Variants in CAST observed in about 807,000 individuals in gnomAD.
CAST encodes the protein MIR583 host.
Under a neutral mutation model 119.6 loss-of-function variants are expected in CAST, and 76 were observed. The observed-to-expected ratio is 0.64, with a 90% confidence interval of 0.53 to 0.77. CAST has a LOEUF of 0.77. CAST is among the 30% of genes least tolerant of loss of function. The pLI is 0.00. For synonymous variants in CAST, 319 were observed against 331.6 expected, an observed-to-expected ratio of 0.96 and a Z score of 0.41; for missense variants, 953 against 946.5, an observed-to-expected ratio of 1.01 and a Z score of -0.09.
At chr5:96,442,671 C>T in the CAST span, among the ~76,000 whole-genome samples, 1 of 152,200 alleles carries the variant, frequency 6.6e-6, no homozygotes, top group African/African-American at 2.4e-5. Flanking sequence ...AGCATCGCTC[C>T]TCCCATTCTG....
the CAST span, among the ~76,000 whole-genome samples, chr5:96,141,721 T>C: frequency 6.6e-6 from 1 of 152,220 alleles, no homozygotes. Flanking sequence ...TTCTGAGAAG[T>C]CCTACAGCTT....
the CAST span, among the ~76,000 whole-genome samples, chr5:96,408,886 A>G: frequency 1.3e-5 from 2 of 152,342 alleles, no homozygotes; most frequent in South Asian, 2.1e-4. Flanking sequence ...CCACATTTAC[A>G]CTTTGAGGAA....
intron 3 of CAST, among the ~76,000 whole-genome samples, chr5:96,705,762 C>T (rs755918598): frequency 6.6e-6 from 1 of 152,106 alleles, no homozygotes; most frequent in Non-Finnish European, 1.5e-5. Context: ...ACACTATATT[C>T]TAAGCACATA....
At chr5:96,189,500 CT>C in the CAST span, among the ~76,000 whole-genome samples, 1 of 152,108 alleles carries the variant, frequency 6.6e-6, no homozygotes, top group South Asian at 2.1e-4. Context: ...ATTCAGTGGC[CT>C]TTTCAGTTTG....
At chr5:96,473,736 C>T in the CAST span, among the ~76,000 whole-genome samples, 21 of 152,252 alleles carry the variant, frequency 1.4e-4, no homozygotes, top group African/African-American at 3.4e-4. Flanking sequence ...TCCTGGTTTC[C>T]GAGAGACTTA....
chr5:96,694,562 C>T (rs1187714375), intron 2 of CAST, among the ~76,000 whole-genome samples: 1 of 152,036 alleles, frequency 6.6e-6, no homozygotes, highest in Non-Finnish European at 1.5e-5. Flanking sequence ...ACCCAGGAGG[C>T]GGAGGTTGCA....
At chr5:96,218,988 T>C in the CAST span, among the ~76,000 whole-genome samples, 2 of 152,154 alleles carry the variant, frequency 1.3e-5, no homozygotes, top group East Asian at 3.8e-4. Context: ...GTGGAGATAT[T>C]AGGTGTTCCT....
At chr5:96,608,698 A>C (rs1747303764) in intron 1 of CAST, among the ~76,000 whole-genome samples, 2 of 152,190 alleles carry the variant, frequency 1.3e-5, no homozygotes, top group Non-Finnish European at 1.5e-5. Flanking sequence ...GGTAATTAAT[A>C]AAGAAAAGAG....
chr5:96,367,229 C>T, the CAST span, among the ~76,000 whole-genome samples: 1 of 152,138 alleles, frequency 6.6e-6, no homozygotes, highest in African/African-American at 2.4e-5. Context: ...TGTCAGTCTG[C>T]CCCTACTGGG....
the CAST span, among the ~76,000 whole-genome samples, chr5:96,248,836 A>G: frequency 6.6e-6 from 1 of 152,200 alleles, no homozygotes; most frequent in Non-Finnish European, 1.5e-5. Context: ...TATTGAGTCA[A>G]TGTTTGGCTT....
the CAST span, chr5:96,421,916 T>C: frequency 2.5e-6 from 4 of 1,586,468 alleles, no homozygotes; most frequent in Non-Finnish European, 3.5e-6. Flanking sequence ...GGGAAATGGA[T>C]CATGGTCATT....
the CAST span, among the ~76,000 whole-genome samples, chr5:96,514,962 G>C: frequency 1.3e-5 from 2 of 152,124 alleles, no homozygotes; most frequent in Non-Finnish European, 2.9e-5. Flanking sequence ...ATGTTTCCCA[G>C]CTGGTCTCAA....
chr5:96,740,934 G>A lies in CAST; in HGVS notation c.918+151G>A, dbSNP rs533619073. ...TGTGTGTTCAGAGAAAGGGGTTGGTGGGAGGGTTGTCTCAGTGCTCCTGAG... is the reference window on the plus strand; with the variant it reads ...TGTGTGTTCAGAGAAAGGGGTTGGTAGGAGGGTTGTCTCAGTGCTCCTGAG... On this transcript the variant is annotated intron_variant, in intron 13 of 31. Transcript: ENST00000675179. 1.6e-5 allele frequency: 10 copies of A among 637,162 alleles called. No homozygotes were observed. The South Asian group carries it at 2.0e-4, about 13-fold the overall frequency. The allele number at this position is 637,162 out of a possible 1,614,324, so 39.5% of individuals were successfully genotyped here. A position where few individuals can be genotyped will look rare whatever the true frequency, so the allele number is the denominator to read the frequency against.
the CAST span, among the ~76,000 whole-genome samples, chr5:96,447,471 TACAC>T: frequency 2.6e-5 from 4 of 152,250 alleles, no homozygotes; most frequent in South Asian, 2.1e-4. Flanking sequence ...CTCATCCACA[TACAC>T]ACCCATCCAC....
the CAST span, among the ~76,000 whole-genome samples, chr5:96,089,275 A>G: frequency 1.3e-5 from 2 of 152,140 alleles, no homozygotes; most frequent in South Asian, 2.1e-4. Context: ...AAACCAGTGC[A>G]TAGCCTTCTG....
chr5:96,194,175 T>C, the CAST span, among the ~76,000 whole-genome samples: 1 of 152,166 alleles, frequency 6.6e-6, no homozygotes, highest in Non-Finnish European at 1.5e-5. Flanking sequence ...CTTTGAACCC[T>C]GTTCCCTGAT....
chr5:96,746,541 T>C (rs1198907792), intron 17 of CAST, 116 bp downstream of exon 17: 35 of 755,322 alleles, frequency 4.6e-5, no homozygotes, highest in Non-Finnish European at 7.9e-5. Flanking sequence ...AGATATTAAC[T>C]CTGAAAACCC....
the CAST span, among the ~76,000 whole-genome samples, chr5:96,290,112 T>C: frequency 6.6e-6 from 1 of 152,206 alleles, no homozygotes; most frequent in Admixed American, 6.5e-5. Context: ...CAAAAACTCA[T>C]GTGTGAAAGA....
chr5:96,467,898 GA>G, the CAST span, among the ~76,000 whole-genome samples: 1 of 151,844 alleles, frequency 6.6e-6, no homozygotes, highest in Non-Finnish European at 1.5e-5. Flanking sequence ...CTACCCAAAG[GA>G]AAAAAAGTCA....
Sources: gnomAD v4.1 joint callset for allele counts (sites outside exome capture counted in the v4.1 genomes callset) on GRCh38, gnomAD v4.1.1 for gene constraint, MANE v1.5 for transcripts, NCBI Gene and HGNC (gene_info 2026-07-23, HGNC 2026-07-21) for gene names.